Variants in SLC24A2 observed in about 807,000 individuals in gnomAD.
The protein encoded by SLC24A2 is sodium/potassium/calcium exchanger 2.
A neutral mutation model predicts 62.0 loss-of-function variants in SLC24A2; 36 were observed. The ratio of observed to expected loss-of-function variants is 0.58; its 90% CI spans 0.44 to 0.77. The LOEUF is 0.77. Among genes scored for constraint, SLC24A2 ranks in the 30% least tolerant of loss-of-function variants. The pLI is 0.00. For synonymous variants in SLC24A2, 358 were observed against 294.0 expected (o/e 1.22, Z -2.23); for missense variants, 846 against 817.9 (o/e 1.03, Z -0.42).
At chr9:19,597,143 A>G in intron 5 of SLC24A2, 86 bp downstream of exon 5, 3 of 871,246 alleles carry the variant, frequency 3.4e-6, no homozygotes, top group Non-Finnish European at 5.9e-6. Context: ...TCATGCAGAG[A>G]GGAAAAAAAA....
the SLC24A2 span, among the ~76,000 whole-genome samples, chr9:20,191,707 A>C: frequency 3.1e-4 from 47 of 151,700 alleles, no homozygotes; most frequent in Non-Finnish European, 5.4e-4. Context: ...AAAGAAGAGT[A>C]AAATGTGGTG....
chr9:19,834,215 G>C, the SLC24A2 span, among the ~76,000 whole-genome samples: 1 of 152,176 alleles, frequency 6.6e-6, no homozygotes, highest in Non-Finnish European at 1.5e-5. Flanking sequence ...ATGGAACAAA[G>C]CTGGATGGAG....
At chr9:20,192,875 T>G in the SLC24A2 span, among the ~76,000 whole-genome samples, 1 of 152,200 alleles carries the variant, frequency 6.6e-6, no homozygotes, top group Admixed American at 6.5e-5. Flanking sequence ...CATTCTATCT[T>G]CATTTAATCT....
chr9:19,673,000 G>C (rs1353019761), intron 2 of SLC24A2, among the ~76,000 whole-genome samples: 2 of 146,452 alleles, frequency 1.4e-5, no homozygotes, highest in Non-Finnish European at 3.0e-5. Context: ...TCAACAGAAT[G>C]TATATTCTGC....
chr9:19,989,271 G>C, the SLC24A2 span, among the ~76,000 whole-genome samples: 13 of 152,060 alleles, frequency 8.5e-5, no homozygotes, highest in African/African-American at 2.9e-4. Flanking sequence ...AAGTACCTTG[G>C]AAGAGTCTCT....
chr9:20,307,891 G>A, the SLC24A2 span, among the ~76,000 whole-genome samples: 12 of 152,066 alleles, frequency 7.9e-5, no homozygotes, highest in African/African-American at 2.9e-4. Flanking sequence ...AGATTTACCA[G>A]GTCCCTCTCA....
At chr9:19,887,839 G>C in the SLC24A2 span, among the ~76,000 whole-genome samples, 1 of 152,162 alleles carries the variant, frequency 6.6e-6, no homozygotes, top group African/African-American at 2.4e-5. Context: ...AAAAGGGAAT[G>C]AATTAATGAC....
At chr9:20,108,237 T>C in the SLC24A2 span, among the ~76,000 whole-genome samples, 489 of 152,198 alleles carry the variant, frequency 3.2e-3, 4 homozygotes, top group Non-Finnish European at 4.1e-3. Context: ...GGAACACTTT[T>C]ACACCGTTGA....
chr9:19,739,922 A>G (rs1821622520), intron 2 of SLC24A2, among the ~76,000 whole-genome samples: 2 of 152,204 alleles, frequency 1.3e-5, no homozygotes, highest in South Asian at 2.1e-4. Flanking sequence ...GTCCAATATA[A>G]TATCTATATC....
intron 2 of SLC24A2, among the ~76,000 whole-genome samples, chr9:19,780,017 C>T (rs1235800525): frequency 6.6e-6 from 1 of 151,942 alleles, no homozygotes; most frequent in African/African-American, 2.4e-5. Context: ...GAGCCGAGAT[C>T]GCACCACTGC....
At chr9:19,766,589 G>T (rs1189688054) in intron 2 of SLC24A2, among the ~76,000 whole-genome samples, 2 of 152,180 alleles carry the variant, frequency 1.3e-5, no homozygotes, top group African/African-American at 4.8e-5. Flanking sequence ...TTTGCTGGGG[G>T]TCCAATCCAG....
the SLC24A2 span, among the ~76,000 whole-genome samples, chr9:19,892,603 G>C: frequency 6.6e-6 from 1 of 152,166 alleles, no homozygotes; most frequent in South Asian, 2.1e-4. Context: ...GTGACCTAAG[G>C]ACTAGAGAAA....
At chr9:19,951,460 C>G in the SLC24A2 span, among the ~76,000 whole-genome samples, 1 of 151,972 alleles carries the variant, frequency 6.6e-6, no homozygotes, top group Non-Finnish European at 1.5e-5. Context: ...ATATTTTCCC[C>G]CTTTTTTCTC....
At chr9:19,560,780 T>A (rs72700495) in intron 7 of SLC24A2, among the ~76,000 whole-genome samples, 5 of 152,100 alleles carry the variant, frequency 3.3e-5, no homozygotes, top group Non-Finnish European at 5.9e-5. Flanking sequence ...TTGTGTTCAC[T>A]TAGTTTATTT....
At chr9:19,832,329 A>G in the SLC24A2 span, among the ~76,000 whole-genome samples, 95,838 of 152,190 alleles carry the variant, frequency 0.63, 35,856 homozygotes, top group Non-Finnish European at 0.83. Flanking sequence ...TGAATGTTAT[A>G]GTTCTATATA....
chr9:20,269,052 A>C, the SLC24A2 span, among the ~76,000 whole-genome samples: 110 of 152,290 alleles, frequency 7.2e-4, no homozygotes, highest in Non-Finnish European at 6.9e-4. Flanking sequence ...AGGATGCAAT[A>C]TTTCCTGCTT....
At chr9:20,296,448 G>A in the SLC24A2 span, among the ~76,000 whole-genome samples, 1 of 152,180 alleles carries the variant, frequency 6.6e-6, no homozygotes, top group Admixed American at 6.5e-5. Context: ...TATAAAAAAT[G>A]GACACCAAGA....
At chr9:19,574,737 C>A (rs562834501) in intron 6 of SLC24A2, among the ~76,000 whole-genome samples, 4 of 151,988 alleles carry the variant, frequency 2.6e-5, no homozygotes, top group Non-Finnish European at 5.9e-5. Context: ...AAGAGGAGTA[C>A]CATCAGGTGA....
the SLC24A2 span, among the ~76,000 whole-genome samples, chr9:20,181,080 G>A: frequency 1.3e-5 from 2 of 152,002 alleles, no homozygotes; most frequent in African/African-American, 2.4e-5. Flanking sequence ...AAAATTCTTG[G>A]CATTCGAGAG....
Sources: gnomAD v4.1 joint callset for allele counts (sites outside exome capture counted in the v4.1 genomes callset) on GRCh38, gnomAD v4.1.1 for gene constraint, MANE v1.5 for transcripts, NCBI Gene and HGNC (gene_info 2026-07-23, HGNC 2026-07-21) for gene names.